LSAMP: variants seen among roughly 807,000 people sequenced by gnomAD.
LSAMP encodes limbic system-associated membrane protein.
Under a neutral mutation model 38.6 loss-of-function variants are expected in LSAMP, and 7 were observed. The observed-to-expected ratio is 0.18, with a 90% CI of 0.10 to 0.34. The LOEUF is 0.34. LSAMP is among the 10% of genes least tolerant of loss of function. LSAMP has a pLI of 1.00. For missense variants in LSAMP, 313 were observed against 420.0 expected (o/e 0.75, Z 2.23); for synonymous variants, 154 against 166.8 (o/e 0.92, Z 0.59).
intron 1 of LSAMP, among the ~76,000 whole-genome samples, chr3:116,386,122 G>T (rs1473107829): frequency 1.3e-5 from 2 of 152,092 alleles, no homozygotes; most frequent in Non-Finnish European, 2.9e-5. Flanking sequence ...AGTAGAGGCA[G>T]GTTTGCAACC....
chr3:116,059,762 A>C (rs1367455885), intron 2 of LSAMP, among the ~76,000 whole-genome samples: 1 of 152,198 alleles, frequency 6.6e-6, no homozygotes, highest in African/African-American at 2.4e-5. Context: ...GCTCCATCTC[A>C]GCTTTAGAGG....
At chr3:116,157,552 A>T (rs1709782892) in intron 1 of LSAMP, among the ~76,000 whole-genome samples, 1 of 152,208 alleles carries the variant, frequency 6.6e-6, no homozygotes, top group South Asian at 2.1e-4. Flanking sequence ...TTCAAAAAAA[A>T]TAGAGAAGAA....
rs999030574 is a variant in LSAMP, at chr3:116,220,373, A to G, written c.156-133817T>C. ...ATGACACACACACACACACACACAC[A>G]CACACACACACACACACACACAAAA... On this transcript the variant is annotated intron_variant, in intron 1 of 6. Coordinates refer to ENST00000490035, the MANE Select transcript of LSAMP (RefSeq NM_002338.5). Among the ~76,000 whole-genome samples the G allele has an allele frequency of 7.3e-4, 111 of 151,382 alleles. 2 individuals carry two copies. Among genetic ancestry groups the G allele is most frequent in the Admixed American group, 6.1e-3 (93 of 15,206 alleles).
intron 1 of LSAMP, among the ~76,000 whole-genome samples, chr3:116,333,054 C>T (rs2047871240): frequency 6.6e-6 from 1 of 151,810 alleles, no homozygotes; most frequent in South Asian, 2.1e-4. Flanking sequence ...ACTTAAATAC[C>T]TAACTTTCAA....
intron 3 of LSAMP, among the ~76,000 whole-genome samples, chr3:115,913,055 G>A (rs1937168643): frequency 1.3e-5 from 2 of 152,304 alleles, no homozygotes; most frequent in African/African-American, 4.8e-5. Context: ...ATTTCCCCAA[G>A]TTAGATTTTT....
At chr3:116,090,608 G>T (rs983596116) in intron 1 of LSAMP, among the ~76,000 whole-genome samples, 8 of 152,178 alleles carry the variant, frequency 5.3e-5, no homozygotes, top group Non-Finnish European at 7.3e-5. Flanking sequence ...GGAAAATCAC[G>T]TAGGTTCTTT....
rs574382924 is a variant in LSAMP, at chr3:115,916,028, G to A, written c.515-63411C>T. Among the ~76,000 whole-genome samples the A allele has an allele frequency of 9.2e-5, 14 of 152,222 alleles. No homozygotes were observed. In the East Asian group the frequency reaches 2.5e-3, roughly 27 times the overall value. ...TCCTGTTTTCAGTCAGACTCACTTGGCAGAGCATGAGTGAGATTTTTTTTT... is the reference window on the plus strand; with the variant it reads ...TCCTGTTTTCAGTCAGACTCACTTGACAGAGCATGAGTGAGATTTTTTTTT... On this transcript the variant is annotated intron_variant, in intron 3 of 6. Transcript: ENST00000490035.
At chr3:115,812,281 G>A (rs1190922649) in intron 6 of LSAMP, among the ~76,000 whole-genome samples, 1 of 152,100 alleles carries the variant, frequency 6.6e-6, no homozygotes, top group Admixed American at 6.5e-5. Context: ...TTAATTATCT[G>A]ATTTTCTGAA....
Position 115,808,139 on chromosome 3 carries a change from TCCCTCCCTCCCC to T in LSAMP, c.*2166_*2177del, listed in dbSNP as rs1933683151. On this transcript the variant is annotated 3_prime_UTR_variant, in exon 7 of 7. Transcript: ENST00000490035. ...CTCCCTCCCTCCCTCCCTCCCTCCC[TCCCTCCCTCCCC>T]CCCTTCCCCGTCCCCCCCTCCCTGC... is the stretch of plus-strand genomic sequence containing the variant. 1 of 52,296 alleles carries T rather than the reference TCCCTCCCTCCCC, an allele frequency of 1.9e-5. No individual in the cohort carries two copies. The highest frequency in any genetic ancestry group is 3.0e-4 in the Admixed American group (1 of 3,388). 3.2% of individuals were successfully genotyped at this position (52,296 alleles called of 1,614,324 possible).
Position 115,949,782 on chromosome 3 carries a change from GA to G in LSAMP, c.514+69732del, listed in dbSNP as rs540641796. On this transcript the variant is annotated intron_variant, in intron 3 of 6. Coordinates refer to ENST00000490035, the MANE Select transcript of LSAMP (RefSeq NM_002338.5). ...TAAAACCAGGAAAGGACATAACAAA[GA>G]AAAAAAAAAAGAAAACTACAGATCA... 2.6e-3 allele frequency among the ~76,000 whole-genome samples: 369 copies of G among 140,838 alleles called. 3 individuals carry two copies. Among genetic ancestry groups the G allele is most frequent in the South Asian group, 0.018 (81 of 4,440 alleles). 92.4% of individuals were successfully genotyped at this position (140,838 alleles called of 152,430 possible). A position where few individuals can be genotyped will look rare whatever the true frequency, so the allele number is the denominator to read the frequency against.
At chr3:116,032,229 G>T (rs1487991273) in intron 2 of LSAMP, among the ~76,000 whole-genome samples, 1 of 152,040 alleles carries the variant, frequency 6.6e-6, no homozygotes, top group Non-Finnish European at 1.5e-5. Context: ...AAGTAATAAT[G>T]ACAGTAATTA....
At chr3:116,057,955 A>ACC (rs1491518852) in intron 2 of LSAMP, among the ~76,000 whole-genome samples, 4 of 106,654 alleles carry the variant, frequency 3.8e-5, no homozygotes, top group Non-Finnish European at 8.5e-5. Flanking sequence ...ACACACACAC[A>ACC]CCCACACACA....
chr3:116,171,158 T>C (rs764989015), intron 1 of LSAMP, among the ~76,000 whole-genome samples: 6 of 152,184 alleles, frequency 3.9e-5, no homozygotes, highest in Admixed American at 1.3e-4. Context: ...GCATTCCACA[T>C]TGGATTGTTG....
At chr3:115,987,665 T>C (rs1047176066) in intron 3 of LSAMP, among the ~76,000 whole-genome samples, 1 of 152,202 alleles carries the variant, frequency 6.6e-6, no homozygotes, top group African/African-American at 2.4e-5. Context: ...AGGTTTCATG[T>C]ATAGAATGGT....
At chr3:116,263,664 T>C (rs891474951) in intron 1 of LSAMP, among the ~76,000 whole-genome samples, 1 of 36,452 alleles carries the variant, frequency 2.7e-5, no homozygotes, top group Non-Finnish European at 5.6e-5. Context: ...CCAACTTTTA[T>C]ATTGCATTTT....
chr3:116,099,530 C>T (rs1295030308), intron 1 of LSAMP, among the ~76,000 whole-genome samples: 4 of 152,154 alleles, frequency 2.6e-5, no homozygotes, highest in African/African-American at 4.8e-5. Context: ...ACCTGACTAC[C>T]AGCAGGAATT....
At chr3:116,100,200 G>A (rs989046055) in intron 1 of LSAMP, among the ~76,000 whole-genome samples, 3 of 151,914 alleles carry the variant, frequency 2.0e-5, no homozygotes, top group African/African-American at 7.3e-5. Context: ...TCCCAGCTCA[G>A]TCTCCTGAGT....
intron 1 of LSAMP, among the ~76,000 whole-genome samples, chr3:116,145,415 CA>C (rs1709468614): frequency 6.6e-6 from 1 of 151,792 alleles, no homozygotes; most frequent in African/African-American, 2.4e-5. Context: ...CAGATGAGGC[CA>C]ACAGTCTAAA....
At chr3:116,154,199 C>T (rs1709687672) in intron 1 of LSAMP, among the ~76,000 whole-genome samples, 1 of 152,034 alleles carries the variant, frequency 6.6e-6, no homozygotes, top group Non-Finnish European at 1.5e-5. Context: ...GATCATGGGC[C>T]TTGTCAGGAT....
Sources: allele counts gnomAD v4.1 joint callset (sites outside exome capture counted in the v4.1 genomes callset), GRCh38; gene constraint gnomAD v4.1.1; transcripts MANE v1.5; gene names NCBI Gene and HGNC (gene_info 2026-07-23, HGNC 2026-07-21).